KCNMA1: variants seen among roughly 807,000 people sequenced by gnomAD.
KCNMA1 encodes the protein potassium calcium-activated channel subfamily M alpha 1, also known as Calcium-activated potassium channel subunit alpha-1.
A neutral mutation model predicts 140.0 loss-of-function variants in KCNMA1; 29 were observed. That is an observed-to-expected ratio of 0.21 (90% CI 0.15 to 0.28). KCNMA1 has a LOEUF of 0.28. KCNMA1 is among the 10% of genes least tolerant of loss of function. KCNMA1 has a pLI of 1.00. For synonymous variants in KCNMA1, 612 were observed against 611.9 expected (o/e 1.00, Z 0.00); for missense variants, 880 against 1,602.2 (o/e 0.55, Z 7.70).
chr10:77,267,407 C>G (rs527334533), intron 2 of KCNMA1, among the ~76,000 whole-genome samples: 1 of 152,288 alleles, frequency 6.6e-6, no homozygotes, highest in Middle Eastern at 3.4e-3. Flanking sequence ...AAATCCAGGT[C>G]GGACTCCCTG....
intron 9 of KCNMA1, among the ~76,000 whole-genome samples, chr10:77,096,561 G>A (rs573368455): frequency 2.0e-5 from 3 of 152,268 alleles, no homozygotes; most frequent in Admixed American, 6.5e-5. Context: ...GCAGAGCCTC[G>A]CTCTAGGAAG....
intron 14 of KCNMA1, among the ~76,000 whole-genome samples, chr10:77,040,116 G>A (rs2094582068): frequency 6.6e-6 from 1 of 151,496 alleles, no homozygotes; most frequent in South Asian, 2.1e-4. Context: ...CCGGCCTCAA[G>A]TGATCCTCCT....
chr10:76,969,129 AAG>A (rs1216993800), intron 20 of KCNMA1, among the ~76,000 whole-genome samples: 1 of 152,050 alleles, frequency 6.6e-6, no homozygotes, highest in Non-Finnish European at 1.5e-5. Context: ...TGAAGACAAA[AAG>A]GGGAGATAAA....
intron 6 of KCNMA1, among the ~76,000 whole-genome samples, chr10:77,116,045 A>C (rs1480123777): frequency 1.3e-5 from 2 of 152,156 alleles, no homozygotes; most frequent in African/African-American, 4.8e-5. Flanking sequence ...CTGTGTGGAG[A>C]TAGTCATAGC....
At chr10:77,301,175 G>C (rs1457872448) in intron 2 of KCNMA1, among the ~76,000 whole-genome samples, 1 of 152,140 alleles carries the variant, frequency 6.6e-6, no homozygotes, top group African/African-American at 2.4e-5. Flanking sequence ...TTCTTCCTCA[G>C]GCAGTGTCTT....
At chr10:77,392,003 A>G (rs2095845819) in intron 2 of KCNMA1, among the ~76,000 whole-genome samples, 2 of 151,150 alleles carry the variant, frequency 1.3e-5, no homozygotes, top group Admixed American at 1.3e-4. Flanking sequence ...AAACCTGGGT[A>G]AGAAAAGTCT....
chr10:77,013,927 TAA>T (rs2091438551), intron 17 of KCNMA1, among the ~76,000 whole-genome samples: 1 of 152,224 alleles, frequency 6.6e-6, no homozygotes, highest in Non-Finnish European at 1.5e-5. Context: ...TGTGAAAAGA[TAA>T]AGTTTGATTA....
intron 2 of KCNMA1, among the ~76,000 whole-genome samples, chr10:77,297,926 A>G (rs530495060): frequency 6.6e-6 from 1 of 152,286 alleles, no homozygotes; most frequent in South Asian, 2.1e-4. Flanking sequence ...CACACAGTAG[A>G]CCCAGGAGCA....
intron 2 of KCNMA1, among the ~76,000 whole-genome samples, chr10:77,337,952 G>C (rs2089726197): frequency 1.3e-5 from 2 of 152,182 alleles, no homozygotes; most frequent in Non-Finnish European, 2.9e-5. Context: ...CCAGAAGCAG[G>C]GGTTTCAGTA....
chr10:77,211,341 A>G (rs1170777569), intron 3 of KCNMA1, among the ~76,000 whole-genome samples: 9 of 152,176 alleles, frequency 5.9e-5, no homozygotes, highest in Admixed American at 5.9e-4. Flanking sequence ...GCTGACAAAA[A>G]CAAGCAGTGG....
At chr10:76,910,257 G>T in intron 24 of KCNMA1, 161 bp from the exon 25 acceptor site, 1 of 698,444 alleles carries the variant, frequency 1.4e-6, no homozygotes, top group Non-Finnish European at 2.5e-6. Context: ...GGGGCAGTGG[G>T]ACTCAATGGA....
chr10:76,896,854 A>G (rs2042725458), intron 25 of KCNMA1, among the ~76,000 whole-genome samples: 1 of 151,516 alleles, frequency 6.6e-6, no homozygotes, highest in East Asian at 1.9e-4. Context: ...ATGTCTGTGA[A>G]TATGCTAAAA....
intron 23 of KCNMA1, among the ~76,000 whole-genome samples, chr10:76,921,889 T>C (rs2055940089): frequency 6.6e-6 from 1 of 152,174 alleles, no homozygotes; most frequent in African/African-American, 2.4e-5. Flanking sequence ...CCTATGAAGC[T>C]AGAATCCAGA....
intron 2 of KCNMA1, among the ~76,000 whole-genome samples, chr10:77,279,180 A>T (rs1465474552): frequency 6.6e-6 from 1 of 152,164 alleles, no homozygotes; most frequent in Non-Finnish European, 1.5e-5. Flanking sequence ...GACAATGTGA[A>T]CTCTACTACA....
At chr10:76,990,729 T>C (rs570347378) in intron 19 of KCNMA1, among the ~76,000 whole-genome samples, 2 of 152,304 alleles carry the variant, frequency 1.3e-5, no homozygotes, top group Admixed American at 1.3e-4. Context: ...CTGGATATGT[T>C]CTCTCAGTTG....
At chr10:77,343,792 G>A (rs189284761) in intron 2 of KCNMA1, among the ~76,000 whole-genome samples, 109 of 152,308 alleles carry the variant, frequency 7.2e-4, no homozygotes, top group Admixed American at 1.6e-3. Context: ...AAGAACCAGA[G>A]ACAACTGTTT....
intron 6 of KCNMA1, among the ~76,000 whole-genome samples, chr10:77,113,346 C>G (rs2097370905): frequency 1.3e-5 from 2 of 152,156 alleles, no homozygotes; most frequent in Admixed American, 6.5e-5. Flanking sequence ...AGCTTCAGTC[C>G]CTTCTAATGT....
At chr10:76,912,507 T>C (rs874564) in intron 24 of KCNMA1, 6,198 of 152,282 alleles carry the variant, frequency 0.041, 217 homozygotes, top group African/African-American at 0.078. Flanking sequence ...GGTGGTATAG[T>C]GGCTAGAGAA....
At chr10:77,465,206 C>G (rs115321585) in intron 1 of KCNMA1, among the ~76,000 whole-genome samples, 3,000 of 152,248 alleles carry the variant, frequency 0.02, 114 homozygotes, top group African/African-American at 0.069. Flanking sequence ...GGCCACGATC[C>G]CTGCAGCAAA....
Sources: allele counts gnomAD v4.1 joint callset (sites outside exome capture counted in the v4.1 genomes callset), GRCh38; gene constraint gnomAD v4.1.1; transcripts MANE v1.5; gene names NCBI Gene and HGNC (gene_info 2026-07-23, HGNC 2026-07-21).